The following C8orf58 variants were observed in gnomAD, a reference collection of about 807,000 sequenced individuals.
C8orf58 encodes the protein uncharacterized protein C8orf58.
A neutral mutation model predicts 36.8 loss-of-function variants in C8orf58; 31 were observed. The ratio of observed to expected loss-of-function variants is 0.84; its 90% CI spans 0.63 to 1.14. C8orf58 has a LOEUF of 1.14. Among genes scored for constraint, C8orf58 ranks in the 50% most tolerant of loss-of-function variants. The pLI, the probability that C8orf58 is intolerant of heterozygous loss-of-function variation, is 0.00. For missense variants in C8orf58, 538 were observed against 480.8 expected, an observed-to-expected ratio of 1.12 and a Z score of -1.11; for synonymous variants, 230 against 200.2, an observed-to-expected ratio of 1.15 and a Z score of -1.26.
intron 6 of C8orf58, 95 bp downstream of exon 6, chr8:22,602,738 C>A: frequency 1.2e-6 from 1 of 843,544 alleles, no homozygotes; most frequent in Non-Finnish European, 1.9e-6. Context: ...ATTGTCCCCG[C>A]AAAACTTGAG....
At chr8:22,602,470 C>T (rs1800895170) in intron 5 of C8orf58, 67 bp from the exon 6 acceptor site, 1 of 1,424,916 alleles carries the variant, frequency 7.0e-7, no homozygotes, top group Non-Finnish European at 9.8e-7. Context: ...CGACAGCTGT[C>T]TCTGGGAGCT....
chr8:22,601,509 A>C, intron 2 of C8orf58, 152 bp downstream of exon 2: 2 of 923,396 alleles, frequency 2.2e-6, no homozygotes, highest in Non-Finnish European at 3.2e-6. Flanking sequence ...CCATTTGTGC[A>C]CGGCCACCTC....
Position 22,601,210 on chromosome 8 carries a change from G to A in C8orf58, c.369G>A (p.Arg123=), listed in dbSNP as rs749791714. 3 of 1,608,694 alleles carry A rather than the reference G, an allele frequency of 1.9e-6. 1 individual carries two copies. Among genetic ancestry groups the A allele is most frequent in the East Asian group, 2.2e-5 (1 of 44,696 alleles). Residue 123 remains arginine, a synonymous_variant, in exon 2 of 7, where the codon CGG becomes CGA. Coordinates refer to ENST00000289989, the MANE Select transcript of C8orf58 (RefSeq NM_001013842.3). ...KLGEVLERSR[R]LPTAPTSLSG... ...GGGAGGTGTTGGAGCGGTCCCGCCG[G>A]CTCCCAACAGCTCCCACCAGCTTGT...
Position 22,603,556 on chromosome 8 carries a change from A to T in C8orf58, c.*250A>T, listed in dbSNP as rs766228029. The T allele has an allele frequency of 1.1e-5, 6 of 544,702 alleles. No individual in the cohort carries two copies. Among genetic ancestry groups the T allele is most frequent in the African/African-American group, 7.6e-5 (4 of 52,804 alleles). 33.7% of individuals were successfully genotyped at this position (544,702 alleles called of 1,614,324 possible). On this transcript the variant is annotated 3_prime_UTR_variant, in exon 7 of 7. Coordinates refer to ENST00000289989, the MANE Select transcript of C8orf58 (RefSeq NM_001013842.3). ...CACCAGAAATCCCTGGGCTTCCACAATGTGAACTCACTCATTGTCAGGTGT... is the reference window on the plus strand; with the variant it reads ...CACCAGAAATCCCTGGGCTTCCACATTGTGAACTCACTCATTGTCAGGTGT...
At chr8:22,602,750 G>T in intron 6 of C8orf58, 107 bp downstream of exon 6, 1 of 734,252 alleles carries the variant, frequency 1.4e-6, no homozygotes, top group Non-Finnish European at 2.3e-6. Context: ...AAACTTGAGA[G>T]GCAGTCTGGG....
intron 6 of C8orf58, 62 bp downstream of exon 6, chr8:22,602,705 A>C: frequency 9.3e-7 from 1 of 1,080,044 alleles, no homozygotes; most frequent in Non-Finnish European, 1.4e-6. Context: ...CAGGATGCTG[A>C]GATTGTCATG....
rs1800855132 is a variant in C8orf58, at chr8:22,601,466, G to T, written c.516+109G>T. ...GGGCACTCCCTGCCCCTAATTGATG[G>T]GTTGTGTCATAGGTTCTTTCTGCAC... On this transcript the variant is annotated intron_variant, in intron 2 of 6. Transcript: ENST00000289989. 1.2e-5 allele frequency: 12 copies of T among 1,009,954 alleles called. No homozygotes were observed. In the South Asian group the frequency reaches 1.9e-4, roughly 16 times the overall value. 62.6% of individuals were successfully genotyped at this position (1,009,954 alleles called of 1,614,324 possible).
At position 22,601,782 on chromosome 8, in the gene C8orf58, G is replaced by T. The variant is rs1410384609; in HGVS notation, c.587G>T (p.Cys196Phe). ...GGTCTTCGCTATCTGGAACACCTGTGCCTGGTGCTGGAGCAGATGGCAAGG... is the reference window on the plus strand; with the variant it reads ...GGTCTTCGCTATCTGGAACACCTGTTCCTGGTGCTGGAGCAGATGGCAAGG... ...GQGLRYLEHL[C>F]LVLEQMARLQ... is the part of the protein sequence containing the mutation. The change falls in exon 3 of 7, where the codon TGC (cysteine) becomes TTC (phenylalanine). Residue 196 changes from cysteine to phenylalanine, a missense_variant. Cys to Phe is a radical substitution (Grantham distance 205). Transcript: ENST00000289989. 1 of 1,612,370 alleles carries T rather than the reference G, an allele frequency of 6.2e-7. No individual in the cohort carries two copies. Among genetic ancestry groups the T allele is most frequent in the Non-Finnish European group, 8.5e-7 (1 of 1,179,826 alleles).
intron 6 of C8orf58, 38 bp downstream of exon 6, chr8:22,602,681 G>A (rs1563894429): frequency 7.6e-7 from 1 of 1,309,032 alleles, no homozygotes. Context: ...GGCACGGAGA[G>A]GAGACTGATA....
At position 22,600,941 on chromosome 8, in the gene C8orf58, A is replaced by G; in HGVS notation, c.100A>G (p.Arg34Gly). Residue 34 changes from arginine to glycine, a missense_variant, in exon 2 of 7, where the codon AGA becomes GGA. Arg to Gly is a moderately radical substitution (Grantham distance 125). Transcript: ENST00000289989. ...CIVPGVTSTY[R>G]RIPDAAHGCS... ...AGTGCCTGGAGTCACCAGCACCTAC[A>G]GACGGATCCCCGACGCTGCCCACGG... 1 of 1,612,370 alleles carries G rather than the reference A, an allele frequency of 6.2e-7. No homozygotes were observed. The highest frequency in any genetic ancestry group is 8.5e-7 in the Non-Finnish European group (1 of 1,179,970).
At chr8:22,602,139 T>C (rs1800884619) in intron 4 of C8orf58, 59 bp downstream of exon 4, 2 of 1,553,412 alleles carry the variant, frequency 1.3e-6, no homozygotes, top group East Asian at 4.8e-5. Flanking sequence ...CAGCAGGTCC[T>C]CTGAGCCGAA....
chr8:22,603,301 G>C lies in C8orf58; in HGVS notation c.1093G>C (p.Gly365Arg). The C allele has an allele frequency of 1.2e-6, 2 of 1,611,008 alleles. No individual in the cohort carries two copies. The highest frequency in any genetic ancestry group is 1.7e-6 in the Non-Finnish European group (2 of 1,177,280). The change falls in exon 7 of 7, where the codon GGC (glycine) becomes CGC (arginine). Residue 365 changes from glycine (G) to arginine (R), a missense_variant. By Grantham distance (125) the Gly-to-Arg change is moderately radical. Coordinates refer to ENST00000289989, the MANE Select transcript of C8orf58 (RefSeq NM_001013842.3). ...KKQRAKNLSV[G>R] is the part of the protein sequence containing the mutation. ...GCAACGAGCAAAAAACCTTTCTGTA[G>C]GCTGAGACCTCTCGGTGCACCTGGT...
chr8:22,602,776 A>G (rs987061400), intron 6 of C8orf58, 133 bp downstream of exon 6: 23 of 632,148 alleles, frequency 3.6e-5, no homozygotes, highest in Admixed American at 2.1e-4. Flanking sequence ...CTGCTAGAAG[A>G]AACAGTAGTT....
At chr8:22,601,404 T>C (rs748954568) in intron 2 of C8orf58, 47 bp downstream of exon 2, 20 of 1,415,078 alleles carry the variant, frequency 1.4e-5, no homozygotes, top group Admixed American at 4.7e-5. Flanking sequence ...ATGGACAGCC[T>C]AGCTCCTCTG....
chr8:22,601,541 CGG>C (rs1256513770), intron 2 of C8orf58, among the ~76,000 whole-genome samples, 169 bp from the exon 3 acceptor site: 1 of 152,218 alleles, frequency 6.6e-6, no homozygotes, highest in Non-Finnish European at 1.5e-5. Context: ...TGGGCAGCTA[CGG>C]GGGCCCTTCC....
chr8:22,600,859 C>G, intron 1 of C8orf58, 23 bp from the exon 2 acceptor site: 3 of 1,567,356 alleles, frequency 1.9e-6, no homozygotes, highest in Non-Finnish European at 1.7e-6. Context: ...GCCTGCCCAG[C>G]CTGACGCTGA....
chr8:22,599,694 G>GCT lies in C8orf58; in HGVS notation c.-27_-26insCT. 8 of 1,197,220 alleles carry GCT rather than the reference G, an allele frequency of 6.7e-6. No homozygotes were observed. The highest frequency in any genetic ancestry group is 8.3e-6 in the Non-Finnish European group (8 of 963,026). 74.2% of individuals were successfully genotyped at this position (1,197,220 alleles called of 1,614,324 possible). On this transcript the variant is annotated 5_prime_UTR_variant, in exon 1 of 7. Coordinates refer to ENST00000289989, the MANE Select transcript of C8orf58 (RefSeq NM_001013842.3). The stretch of plus-strand genomic sequence containing the variant: ...GCCGGGATCCTCGGGCGGCTGCATT[G>GCT]GCCGGGGCCGGGGCCGGGAGCGGGC...
chr8:22,601,590 T>G (rs1212277942), intron 2 of C8orf58, 122 bp from the exon 3 acceptor site: 1 of 1,247,516 alleles, frequency 8.0e-7, no homozygotes, highest in Non-Finnish European at 1.1e-6. Context: ...GGAAGCCGGC[T>G]GCGTGTGTTC....
intron 2 of C8orf58, 34 bp downstream of exon 2, chr8:22,601,391 G>T: frequency 6.8e-7 from 1 of 1,474,348 alleles, no homozygotes; most frequent in Non-Finnish European, 9.1e-7. Context: ...GTTTAAGAGT[G>T]GGATGGACAG....
Sources: gnomAD v4.1 joint callset for allele counts (sites outside exome capture counted in the v4.1 genomes callset) on GRCh38, gnomAD v4.1.1 for gene constraint, MANE v1.5 for transcripts, NCBI Gene and HGNC (gene_info 2026-07-23, HGNC 2026-07-21) for gene names.